The following IFNAR2 variants were observed in gnomAD, a reference collection of about 807,000 sequenced individuals.
IFNAR2 encodes the protein interferon alpha/beta receptor 2.
In IFNAR2, 30 loss-of-function variants were observed where a neutral mutation model predicts 49.4. That is an observed-to-expected ratio of 0.61 (90% CI 0.45 to 0.82). IFNAR2 has a LOEUF of 0.82. Among genes scored for constraint, IFNAR2 ranks in the 40% least tolerant of loss-of-function variants. IFNAR2 has a pLI of 0.00. For missense variants in IFNAR2, 600 were observed against 622.7 expected, an observed-to-expected ratio of 0.96 and a Z score of 0.39; for synonymous variants, 224 against 234.5, an observed-to-expected ratio of 0.96 and a Z score of 0.41.
chr21:33,263,521 C>G lies in IFNAR2; in HGVS notation c.*21C>G. ...GATGACTCCAAAACTATTGAATGAA[C>G]TTGGACAGACAAGCACCTACAGGGT... On this transcript the variant is annotated 3_prime_UTR_variant, in exon 9 of 9. Transcript: ENST00000342136. 1.3e-6 allele frequency: 2 copies of G among 1,581,748 alleles called. No homozygotes were observed. The highest frequency in any genetic ancestry group is 1.1e-5 in the South Asian group (1 of 87,646).
chr21:33,246,913 C>T, intron 5 of IFNAR2, 23 bp downstream of exon 5: 2 of 1,583,500 alleles, frequency 1.3e-6, no homozygotes, highest in Non-Finnish European at 1.7e-6. Flanking sequence ...TCTGTTTCTC[C>T]ACTTCGTCCC....
intron 5 of IFNAR2, among the ~76,000 whole-genome samples, chr21:33,248,403 A>G (rs1447832691): frequency 6.6e-6 from 1 of 151,226 alleles, no homozygotes; most frequent in Non-Finnish European, 1.5e-5. Context: ...GGGGGGAGAG[A>G]GAGAGAGAGA....
rs776179020 is a variant in IFNAR2 at position 33,263,418 on chromosome 21, T to G, written c.1466T>G (p.Leu489Arg). ...PTFPSPSSEG[L>R]WSEDAPSDQS... ...TTTCCCAGCCCCTCTTCAGAGGGCC[T>G]GTGGTCCGAAGATGCTCCATCTGAT... is the stretch of plus-strand genomic sequence containing the variant. The change falls in exon 9 of 9, where the codon CTG becomes CGG. Residue 489 changes from leucine to arginine, a missense_variant. Leu to Arg is a moderately radical substitution (Grantham distance 102, BLOSUM62 -2). Coordinates refer to ENST00000342136, the MANE Select transcript of IFNAR2 (RefSeq NM_001289125.3). 1 of 1,614,066 alleles carries G rather than the reference T, an allele frequency of 6.2e-7. No homozygotes were observed. Among genetic ancestry groups the G allele is most frequent in the South Asian group, 1.1e-5 (1 of 91,074 alleles).
intron 2 of IFNAR2, 67 bp downstream of exon 2, chr21:33,242,044 T>C: frequency 6.7e-7 from 1 of 1,489,294 alleles, no homozygotes; most frequent in Non-Finnish European, 9.2e-7. Context: ...CTGAGAGCAC[T>C]GGCAGGAAGT....
At chr21:33,245,129 G>A in intron 4 of IFNAR2, 55 bp downstream of exon 4, 1 of 1,299,448 alleles carries the variant, frequency 7.7e-7, no homozygotes, top group Non-Finnish European at 1.1e-6. Flanking sequence ...CTGTTATATG[G>A]GGAGAGGTGA....
chr21:33,250,496 A>G (rs1196827246), intron 6 of IFNAR2, among the ~76,000 whole-genome samples: 2 of 152,146 alleles, frequency 1.3e-5, no homozygotes, highest in African/African-American at 2.4e-5. Flanking sequence ...TAGAGGGGTA[A>G]TGAGTAGTGA....
Position 33,230,930 on chromosome 21 carries a change from T to C in IFNAR2, c.-84+714T>C, listed in dbSNP as rs1986011982. Among the ~76,000 whole-genome samples the C allele has an allele frequency of 6.6e-6, 1 of 152,258 alleles. No homozygotes were observed. The highest frequency in any genetic ancestry group is 1.5e-5 in the Non-Finnish European group (1 of 68,040). On this transcript the variant is annotated intron_variant, in intron 1 of 8. Coordinates refer to ENST00000342136, the MANE Select transcript of IFNAR2 (RefSeq NM_001289125.3). This position sits in a 1 kb window ranked among gnomAD's most constrained non-coding sequence, Gnocchi z 5.5. The stretch of plus-strand genomic sequence containing the variant: ...CAATCCGTTACACGCAGTAGCGAGT[T>C]GACTCCATCAGCCCGTTTATTTGGT...
chr21:33,258,752 A>G (rs540419561), intron 7 of IFNAR2, among the ~76,000 whole-genome samples: 39 of 152,302 alleles, frequency 2.6e-4, no homozygotes, highest in African/African-American at 7.7e-4. Context: ...CAAGGGAAGA[A>G]TAGTAACAGT....
In IFNAR2 at chr21:33,260,738, TTTTTG is replaced by T. The variant is rs1172720371; in HGVS notation, c.840+26_840+30del. On this transcript the variant is annotated intron_variant, in intron 8 of 8. Transcript: ENST00000342136. Reference sequence around the variant, plus strand: ...CTCCCCAAAGTCTTGGTAGGTAGTTTTTTTGTTTTGTTTTGTTTTTTCTATCTTTG... The same window carrying T: ...CTCCCCAAAGTCTTGGTAGGTAGTTTTTTTGTTTTGTTTTTTCTATCTTTG... The T allele has an allele frequency of 2.7e-6, 4 of 1,482,592 alleles. No individual in the cohort carries two copies. The highest frequency in any genetic ancestry group is 3.6e-6 in the Non-Finnish European group (4 of 1,117,554). The allele number at this position is 1,482,592 out of a possible 1,614,324, so 91.8% of individuals were successfully genotyped here. A position where few individuals can be genotyped will look rare whatever the true frequency, so the allele number is the denominator to read the frequency against.
Position 33,230,364 on chromosome 21 carries a change from C to G in IFNAR2, c.-84+148C>G. On this transcript the variant is annotated intron_variant, in intron 1 of 8. Transcript: ENST00000342136. This position sits in a 1 kb window ranked among gnomAD's most constrained non-coding sequence, Gnocchi z 5.5. ...TCCTCCTCCTCCTGCCCTCCCTCTG[C>G]GTCTTGAGTATGCGGCTAGTGCGCC... The G allele has an allele frequency of 1.5e-6, 1 of 655,432 alleles. No homozygotes were observed. The highest frequency in any genetic ancestry group is 1.9e-5 in the South Asian group (1 of 52,478). The allele number at this position is 655,432 out of a possible 1,614,324, so 40.6% of individuals were successfully genotyped here. A position where few individuals can be genotyped will look rare whatever the true frequency, so the allele number is the denominator to read the frequency against.
At position 33,263,275 on chromosome 21, in the gene IFNAR2, C is replaced by A. The variant is rs147568312; in HGVS notation, c.1323C>A (p.Asp441Glu). ...FLRVLDDEDS[D>E]DLEAPLMLSS... is the part of the protein sequence containing the mutation. ...GAGTTCTTGATGACGAGGACAGTGA[C>A]GACTTAGAAGCCCCTCTGATGCTAT... The change falls in exon 9 of 9, where the codon GAC (aspartate) becomes GAA (glutamate). Residue 441 changes from aspartate to glutamate, a missense_variant. Physicochemically the swap from Asp to Glu is conservative, Grantham distance 45. Coordinates refer to ENST00000342136, the MANE Select transcript of IFNAR2 (RefSeq NM_001289125.3). 6.2e-7 allele frequency: 1 copy of A among 1,614,124 alleles called. No homozygotes were observed. The highest frequency in any genetic ancestry group is 8.5e-7 in the Non-Finnish European group (1 of 1,180,008).
At chr21:33,243,571 A>G in intron 2 of IFNAR2, 102 bp from the exon 3 acceptor site, 1 of 1,068,266 alleles carries the variant, frequency 9.4e-7, no homozygotes, top group Non-Finnish European at 1.4e-6. Context: ...TCTCAATCTG[A>G]TACCAATAAA....
In IFNAR2 at chr21:33,243,146, G is replaced by C. The variant is rs189575875; in HGVS notation, c.56-527G>C. On this transcript the variant is annotated intron_variant, in intron 2 of 8. Coordinates refer to ENST00000342136, the MANE Select transcript of IFNAR2 (RefSeq NM_001289125.3). ...TCACCCAGGCTGGAATGCAGTGAGC[G>C]ATCTCACCTCACTGCAGCCTCCGCC... Among the ~76,000 whole-genome samples the C allele has an allele frequency of 4.0e-5, 6 of 150,740 alleles. No individual in the cohort carries two copies. In the East Asian group the frequency reaches 1.2e-3, roughly 29 times the overall value.
At chr21:33,233,767 C>G (rs1468413848) in intron 1 of IFNAR2, among the ~76,000 whole-genome samples, 1 of 151,720 alleles carries the variant, frequency 6.6e-6, no homozygotes, top group African/African-American at 2.4e-5. Flanking sequence ...AGAGATAAAT[C>G]AAAATAAAGA....
chr21:33,244,731 TG>T (rs1987259360), intron 3 of IFNAR2, among the ~76,000 whole-genome samples: 1 of 152,226 alleles, frequency 6.6e-6, no homozygotes, highest in African/African-American at 2.4e-5. Flanking sequence ...GCACAGTCCC[TG>T]TTTCCCATGC....
At chr21:33,248,305 A>C (rs1987586431) in intron 5 of IFNAR2, among the ~76,000 whole-genome samples, 1 of 146,672 alleles carries the variant, frequency 6.8e-6, no homozygotes, top group Admixed American at 6.8e-5. Flanking sequence ...TCAGGAGTTC[A>C]AGACCAGCCC....
At chr21:33,243,191 TCCTG>T (rs1987124278) in intron 2 of IFNAR2, among the ~76,000 whole-genome samples, 1 of 151,960 alleles carries the variant, frequency 6.6e-6, no homozygotes, top group African/African-American at 2.4e-5. Context: ...CGAGCTATTC[TCCTG>T]CCTTAGCCTC....
At chr21:33,234,224 T>TGC (rs1986278711) in intron 1 of IFNAR2, among the ~76,000 whole-genome samples, 1 of 151,414 alleles carries the variant, frequency 6.6e-6, no homozygotes, top group South Asian at 2.1e-4. Flanking sequence ...TGTGTGTGTG[T>TGC]TTATGCATAG....
Position 33,246,816 on chromosome 21 carries a change from T to G in IFNAR2, c.320T>G (p.Val107Gly). Residue 107 changes from valine to glycine, a missense_variant, in exon 5 of 9, where the codon GTC becomes GGC. Transcript: ENST00000342136. ...DEWRSTHEAY[V>G]TVLEGFSGNT... The stretch of plus-strand genomic sequence containing the variant: ...TGGAGAAGCACACACGAGGCCTATG[T>G]CACCGTCCTAGAAGGATTCAGCGGG... 6.2e-7 allele frequency: 1 copy of G among 1,614,214 alleles called. No homozygotes were observed. The highest frequency in any genetic ancestry group is 8.5e-7 in the Non-Finnish European group (1 of 1,179,996).
Sources: gnomAD v4.1 joint callset for allele counts (sites outside exome capture counted in the v4.1 genomes callset) on GRCh38, gnomAD v4.1.1 for gene constraint, Gnocchi (gnomAD v3.1) non-coding constraint, MANE v1.5 for transcripts, NCBI Gene and HGNC (gene_info 2026-07-23, HGNC 2026-07-21) for gene names.